CPED1: variants seen among roughly 807,000 people sequenced by gnomAD.
CPED1 encodes cadherin like and PC-esterase domain containing 1.
Under a neutral mutation model 128.2 loss-of-function variants are expected in CPED1, and 114 were observed. The observed-to-expected ratio is 0.89, with a 90% CI of 0.76 to 1.04. The LOEUF (loss-of-function observed/expected upper bound fraction) is 1.04, where lower values mean the gene tolerates loss of function less well. CPED1 is among the 50% of genes least tolerant of loss of function. The probability of loss-of-function intolerance (pLI) is 0.00; values close to 1 mark genes in which losing one functional copy is unlikely to be tolerated. For missense variants in CPED1, 1,211 were observed against 1,207.1 expected (o/e 1.00, Z -0.05); for synonymous variants, 462 against 426.7 (o/e 1.08, Z -1.02).
chr7:121,052,429 G>A (rs910298794), intron 4 of CPED1, among the ~76,000 whole-genome samples: 1 of 152,096 alleles, frequency 6.6e-6, no homozygotes, highest in African/African-American at 2.4e-5. Context: ...AACCCTTTGC[G>A]CCATCACTCA....
At chr7:121,047,646 T>TTTCTTCTTCTTCTTCTTCTTCTTCTTC (rs201842531) in intron 4 of CPED1, among the ~76,000 whole-genome samples, 17 of 123,072 alleles carry the variant, frequency 1.4e-4, no homozygotes, top group South Asian at 5.1e-4. Context: ...AGATAGCACC[T>TTTCTTCTTCTTCTTCTTCTTCTTCTTC]TTCTTCTTCT....
intron 7 of CPED1, among the ~76,000 whole-genome samples, chr7:121,120,879 A>G (rs542684267): frequency 7.4e-5 from 11 of 148,258 alleles, no homozygotes; most frequent in African/African-American, 2.5e-4. Flanking sequence ...GTAATGTCAT[A>G]GGTTTGTTTA....
chr7:121,135,941 G>T, intron 13 of CPED1, 99 bp from the exon 14 acceptor site: 1 of 928,188 alleles, frequency 1.1e-6, no homozygotes. Context: ...AAAGTTAAAT[G>T]AAAAACATGT....
chr7:121,262,085 G>A (rs1244336941), intron 18 of CPED1, among the ~76,000 whole-genome samples: 1 of 151,914 alleles, frequency 6.6e-6, no homozygotes, highest in Non-Finnish European at 1.5e-5. Flanking sequence ...ATGAGTTCTT[G>A]CTTGTTAGTT....
chr7:121,185,887 C>T (rs576305126), intron 16 of CPED1, among the ~76,000 whole-genome samples: 7 of 152,232 alleles, frequency 4.6e-5, no homozygotes, highest in South Asian at 2.1e-4. Context: ...AAGGAAGCAA[C>T]GTGCTGGGAA....
chr7:120,993,221 AGT>A (rs1277007730), intron 2 of CPED1, among the ~76,000 whole-genome samples: 4 of 152,222 alleles, frequency 2.6e-5, no homozygotes, highest in African/African-American at 9.7e-5. Context: ...AGCATCTAAC[AGT>A]TTAACATTTC....
At chr7:121,294,710 A>G (rs750659855) in intron 22 of CPED1, among the ~76,000 whole-genome samples, 6 of 152,048 alleles carry the variant, frequency 3.9e-5, no homozygotes, top group Non-Finnish European at 8.8e-5. Flanking sequence ...AACAATAGAT[A>G]AACTGGAAAT....
intron 16 of CPED1, among the ~76,000 whole-genome samples, chr7:121,174,783 C>G (rs951783988): frequency 6.6e-6 from 1 of 151,984 alleles, no homozygotes; most frequent in African/African-American, 2.4e-5. Flanking sequence ...AGTTTGATAG[C>G]AGCGGCATGG....
intron 3 of CPED1, among the ~76,000 whole-genome samples, chr7:121,024,464 G>A (rs1188085598): frequency 2.6e-5 from 4 of 152,050 alleles, no homozygotes; most frequent in Non-Finnish European, 5.9e-5. Flanking sequence ...CCCTAGCATT[G>A]CCCCTTCAAG....
At chr7:121,049,744 C>T (rs1229852205) in intron 4 of CPED1, among the ~76,000 whole-genome samples, 1 of 152,126 alleles carries the variant, frequency 6.6e-6, no homozygotes, top group Non-Finnish European at 1.5e-5. Flanking sequence ...TACCTTTATT[C>T]TTACTGTTTT....
intron 16 of CPED1, among the ~76,000 whole-genome samples, chr7:121,152,728 A>G (rs1037468037): frequency 6.6e-6 from 1 of 152,240 alleles, no homozygotes; most frequent in African/African-American, 2.4e-5. Context: ...TTAAAACATC[A>G]AATTTTATTT....
rs1346736929 is a variant in CPED1 at position 121,130,210 on chromosome 7, T to A, written c.1493T>A (p.Val498Asp). Reference protein sequence around the residue: ...VANPVGNPGSVLTQYWSLLNV... With the variant: ...VANPVGNPGSDLTQYWSLLNV... ...AATCCTGTGGGAAATCCTGGCTCAG[T>A]CCTGACCCAATACTGGTCTCTTTTA... is the stretch of plus-strand genomic sequence containing the variant. Residue 498 changes from valine (V) to aspartate (D), a missense_variant, in exon 12 of 23, where the codon GTC becomes GAC. Physicochemically the swap from Val to Asp is radical, Grantham distance 152. Coordinates refer to ENST00000310396, the MANE Select transcript of CPED1 (RefSeq NM_024913.5). 3 of 1,612,048 alleles carry A rather than the reference T, an allele frequency of 1.9e-6. No individual in the cohort carries two copies. Among genetic ancestry groups the A allele is most frequent in the Non-Finnish European group, 2.5e-6 (3 of 1,178,502 alleles).
chr7:121,262,312 C>A (rs952426189), intron 18 of CPED1, among the ~76,000 whole-genome samples: 19 of 152,034 alleles, frequency 1.2e-4, no homozygotes, highest in African/African-American at 4.3e-4. Flanking sequence ...CTCAGGCATT[C>A]TTTTATAGTG....
intron 21 of CPED1, among the ~76,000 whole-genome samples, chr7:121,268,937 A>G (rs1411699774): frequency 6.6e-6 from 1 of 151,870 alleles, no homozygotes; most frequent in Non-Finnish European, 1.5e-5. Flanking sequence ...GTCCTTACTC[A>G]TGTCAGTCAT....
chr7:121,161,797 A>G (rs1408905268), intron 16 of CPED1, among the ~76,000 whole-genome samples: 4 of 152,228 alleles, frequency 2.6e-5, no homozygotes, highest in Non-Finnish European at 5.9e-5. Context: ...GTAATGATAC[A>G]GGACTTTAGT....
intron 2 of CPED1, among the ~76,000 whole-genome samples, chr7:120,992,408 C>T (rs1796323162): frequency 6.6e-6 from 1 of 152,058 alleles, no homozygotes; most frequent in Non-Finnish European, 1.5e-5. Context: ...TGTATACATC[C>T]ATGACATTTT....
chr7:121,053,304 A>G (rs1191909510), intron 4 of CPED1, among the ~76,000 whole-genome samples: 1 of 151,744 alleles, frequency 6.6e-6, no homozygotes, highest in Non-Finnish European at 1.5e-5. Flanking sequence ...CTCTCCTTCG[A>G]TCTGATGCAA....
chr7:121,024,921 G>C (rs1792537408), intron 3 of CPED1, among the ~76,000 whole-genome samples: 1 of 152,148 alleles, frequency 6.6e-6, no homozygotes, highest in Non-Finnish European at 1.5e-5. Context: ...CAGGTACAGG[G>C]TGTTTGCTAC....
chr7:121,072,497 C>CT (rs895994379), intron 5 of CPED1, among the ~76,000 whole-genome samples: 3 of 152,032 alleles, frequency 2.0e-5, no homozygotes, highest in African/African-American at 4.8e-5. Context: ...GTTCCTAATG[C>CT]TTTTTTCAAT....
Sources: gnomAD v4.1 joint callset for allele counts (sites outside exome capture counted in the v4.1 genomes callset) on GRCh38, gnomAD v4.1.1 for gene constraint, MANE v1.5 for transcripts, NCBI Gene and HGNC (gene_info 2026-07-23, HGNC 2026-07-21) for gene names.